The following FMO2 variants were observed in gnomAD, a reference collection of about 807,000 sequenced individuals.
The protein encoded by FMO2 is flavin containing dimethylaniline monoxygenase 2.
In FMO2, 33 loss-of-function variants were observed where a neutral mutation model predicts 41.6. The observed-to-expected ratio is 0.79, with a 90% confidence interval of 0.60 to 1.06. The LOEUF (loss-of-function observed/expected upper bound fraction) is 1.06, where lower values mean the gene tolerates loss of function less well. Among genes scored for constraint, FMO2 ranks in the 50% least tolerant of loss-of-function variants. FMO2 has a pLI of 0.00. For synonymous variants in FMO2, 214 were observed against 219.6 expected, an observed-to-expected ratio of 0.97 and a Z score of 0.23; for missense variants, 619 against 632.9, an observed-to-expected ratio of 0.98 and a Z score of 0.23.
At position 171,207,730 on chromosome 1, in the gene FMO2, T is replaced by C. The variant is rs1658822371; in HGVS notation, c.1196T>C (p.Leu399Pro). Reference protein sequence around the residue: ...VTRVFKGLCSLPSERTMMMDI... With the variant: ...VTRVFKGLCSPPSERTMMMDI... ...TTTTATTCCTTAGGCTTGTGTAGCCTGCCCTCAGAGAGAACTATGATGATG... is the reference window on the plus strand; with the variant it reads ...TTTTATTCCTTAGGCTTGTGTAGCCCGCCCTCAGAGAGAACTATGATGATG... Residue 399 changes from leucine (L) to proline (P), a missense_variant, in exon 8 of 9, where the codon CTG becomes CCG. Leu to Pro is a moderately conservative substitution (Grantham distance 98, BLOSUM62 -3). Coordinates refer to ENST00000209929, the MANE Select transcript of FMO2 (RefSeq NM_001460.5). 1 of 1,609,088 alleles carries C rather than the reference T, an allele frequency of 6.2e-7. No individual in the cohort carries two copies. The highest frequency in any genetic ancestry group is 1.1e-5 in the South Asian group (1 of 90,690).
At chr1:171,191,247 G>T (rs1431503749) in intron 2 of FMO2, among the ~76,000 whole-genome samples, 1 of 152,140 alleles carries the variant, frequency 6.6e-6, no homozygotes, top group Admixed American at 6.5e-5. Context: ...GGCCAGTTTT[G>T]CCCTGGCCCT....
At chr1:171,205,134 T>C (rs1658700535) in intron 6 of FMO2, 145 bp from the exon 7 acceptor site, 2 of 565,240 alleles carry the variant, frequency 3.5e-6, no homozygotes, top group Non-Finnish European at 6.2e-6. Flanking sequence ...AAAATAAGGA[T>C]TTGCACAGAC....
chr1:171,206,217 T>A (rs552409110), intron 7 of FMO2, among the ~76,000 whole-genome samples: 1 of 152,138 alleles, frequency 6.6e-6, no homozygotes, highest in Non-Finnish European at 1.5e-5. Flanking sequence ...TTTAAACAGA[T>A]CATTTCAACA....
chr1:171,196,503 A>C (rs1030691625), intron 3 of FMO2, 146 bp from the exon 4 acceptor site: 2 of 572,150 alleles, frequency 3.5e-6, no homozygotes, highest in Non-Finnish European at 6.0e-6. Flanking sequence ...TTCTCTCTCA[A>C]GTCCTTATTC....
At chr1:171,196,575 C>A in intron 3 of FMO2, 74 bp from the exon 4 acceptor site, 2 of 1,384,592 alleles carry the variant, frequency 1.4e-6, no homozygotes, top group Non-Finnish European at 2.0e-6. Flanking sequence ...CATGAAGCAG[C>A]AATGAGAAAG....
rs574236388 is a variant in FMO2 at position 171,210,027 on chromosome 1, A to G, written c.*882A>G. On this transcript the variant is annotated 3_prime_UTR_variant, in exon 9 of 9. Coordinates refer to ENST00000209929, the MANE Select transcript of FMO2 (RefSeq NM_001460.5). ...CTAAAGATCATAATGTTGTCTTGTA[A>G]TATATTTATTTACAAAACACTTCAT... The G allele has an allele frequency of 7.2e-5, 11 of 152,274 alleles. No individual in the cohort carries two copies. The South Asian group carries it at 2.3e-3, about 32-fold the overall frequency. The allele number at this position is 152,274 out of a possible 1,614,324, so 9.4% of individuals were successfully genotyped here. A position where few individuals can be genotyped will look rare whatever the true frequency, so the allele number is the denominator to read the frequency against.
At chr1:171,189,335 C>A (rs780871711) in intron 2 of FMO2, among the ~76,000 whole-genome samples, 3 of 151,782 alleles carry the variant, frequency 2.0e-5, no homozygotes, top group Non-Finnish European at 2.9e-5. Context: ...TCTTGGTTTT[C>A]TTCCTCTAAG....
intron 5 of FMO2, among the ~76,000 whole-genome samples, chr1:171,200,662 C>G (rs1057188557): frequency 3.3e-5 from 5 of 152,132 alleles, no homozygotes; most frequent in African/African-American, 1.2e-4. Context: ...TTAGTTAGTG[C>G]CAGCCCGGGA....
chr1:171,202,604 C>T lies in FMO2; in HGVS notation c.628-1261C>T, dbSNP rs1394563971. ...ACCTCATTTAATCTACACAAGAATG[C>T]CATGAGGTAGGTACTGTTAATACCC... On this transcript the variant is annotated intron_variant, in intron 5 of 8. Transcript: ENST00000209929. Among the ~76,000 whole-genome samples, 4 of 152,288 alleles carry T rather than the reference C, an allele frequency of 2.6e-5. 1 individual carries two copies. The East Asian group carries it at 7.7e-4, about 29-fold the overall frequency.
At position 171,196,665 on chromosome 1, in the gene FMO2, TGA is replaced by T; in HGVS notation, c.341_342del (p.Arg114LysfsTer27). Reference sequence around the variant, plus strand: ...TTCTTCAAGACAACTGTCCTTAGTGTGAGAAAATGTCCAGATTTCTCATCCTC... The same window carrying T: ...TTCTTCAAGACAACTGTCCTTAGTGTGAAAATGTCCAGATTTCTCATCCTC... On this transcript the variant is annotated frameshift_variant, in exon 4 of 9. Coordinates refer to ENST00000209929, the MANE Select transcript of FMO2 (RefSeq NM_001460.5). LOFTEE classifies it high-confidence loss of function. The T allele has an allele frequency of 6.3e-7, 1 of 1,584,110 alleles. No homozygotes were observed.
intron 2 of FMO2, among the ~76,000 whole-genome samples, chr1:171,190,611 A>G (rs1658038570): frequency 6.6e-6 from 1 of 152,226 alleles, no homozygotes; most frequent in Non-Finnish European, 1.5e-5. Flanking sequence ...CTATGTTTGT[A>G]CTGTTAGCAT....
intron 5 of FMO2, among the ~76,000 whole-genome samples, chr1:171,203,321 T>TCACACACA (rs1491166759): frequency 3.3e-5 from 4 of 122,548 alleles, no homozygotes; most frequent in Non-Finnish European, 5.1e-5. Context: ...CAAGACCCTG[T>TCACACACA]CTCACACACA....
At chr1:171,206,218 C>T (rs1204142258) in intron 7 of FMO2, among the ~76,000 whole-genome samples, 1 of 152,116 alleles carries the variant, frequency 6.6e-6, no homozygotes, top group Non-Finnish European at 1.5e-5. Context: ...TTAAACAGAT[C>T]ATTTCAACAT....
chr1:171,201,804 G>C (rs568937525), intron 5 of FMO2, among the ~76,000 whole-genome samples: 1 of 148,132 alleles, frequency 6.8e-6, no homozygotes, highest in Non-Finnish European at 1.5e-5. Flanking sequence ...ACCTCTTTAC[G>C]AGGCTGCAGG....
At chr1:171,203,787 G>T in intron 5 of FMO2, 78 bp from the exon 6 acceptor site, 2 of 1,245,048 alleles carry the variant, frequency 1.6e-6, no homozygotes, top group Admixed American at 3.7e-5. Context: ...CTACACATGT[G>T]ATACATGACC....
chr1:171,195,576 C>T (rs1330760128), intron 3 of FMO2, among the ~76,000 whole-genome samples: 1 of 152,194 alleles, frequency 6.6e-6, no homozygotes, highest in African/African-American at 2.4e-5. Context: ...ATTCCATATA[C>T]ATTTTTAAAT....
chr1:171,185,792 G>C lies in FMO2; in HGVS notation c.79G>C (p.Glu27Gln), dbSNP rs754611675. ...GAAGTGCTGTGTGGATGAGGGACTTGAGCCCACTTGCTTTGAGAGAACTGA... is the reference window on the plus strand; with the variant it reads ...GAAGTGCTGTGTGGATGAGGGACTTCAGCCCACTTGCTTTGAGAGAACTGA... ...SLKCCVDEGL[E>Q]PTCFERTEDI... The change falls in exon 2 of 9, where the codon GAG (glutamate) becomes CAG (glutamine). Residue 27 changes from glutamate to glutamine, a missense_variant. Coordinates refer to ENST00000209929, the MANE Select transcript of FMO2 (RefSeq NM_001460.5). The C allele has an allele frequency of 1.4e-5, 23 of 1,613,762 alleles. No individual in the cohort carries two copies. The South Asian group carries it at 1.8e-4, about 12-fold the overall frequency.
chr1:171,191,233 C>T (rs1360045550), intron 2 of FMO2, among the ~76,000 whole-genome samples: 2 of 152,080 alleles, frequency 1.3e-5, no homozygotes, highest in Non-Finnish European at 2.9e-5. Flanking sequence ...TAAAATCTCC[C>T]AAAGGCCAGT....
chr1:171,192,443 G>C (rs1324643709), intron 2 of FMO2, among the ~76,000 whole-genome samples: 1 of 152,052 alleles, frequency 6.6e-6, no homozygotes, highest in African/African-American at 2.4e-5. Context: ...TTATAGCAAA[G>C]TTACCATTTA....
Sources: gnomAD v4.1 joint callset for allele counts (sites outside exome capture counted in the v4.1 genomes callset) on GRCh38, gnomAD v4.1.1 for gene constraint, MANE v1.5 for transcripts, NCBI Gene and HGNC (gene_info 2026-07-23, HGNC 2026-07-21) for gene names.